The following KCTD10 variants were observed in gnomAD, a reference collection of about 807,000 sequenced individuals.
The protein encoded by KCTD10 is potassium channel tetramerization domain containing 10.
KCTD10 carries 13 observed loss-of-function variants against 34.6 expected under a neutral mutation model. The observed-to-expected ratio is 0.38, with a 90% CI of 0.24 to 0.60. The LOEUF (loss-of-function observed/expected upper bound fraction) is 0.60. Among genes scored for constraint, KCTD10 ranks in the 20% least tolerant of loss-of-function variants. The pLI is 0.66. For synonymous variants in KCTD10, 156 were observed against 168.8 expected, an observed-to-expected ratio of 0.92 and a Z score of 0.59; for missense variants, 256 against 420.3, an observed-to-expected ratio of 0.61 and a Z score of 3.42.
Position 109,449,609 on chromosome 12 carries a change from C to G in KCTD10, c.*1986G>C, listed in dbSNP as rs898686926. On this transcript the variant is annotated 3_prime_UTR_variant, in exon 7 of 7. Transcript: ENST00000228495. The stretch of plus-strand genomic sequence containing the variant: ...CATGGGCTGATGGGTACCTGCAATC[C>G]CAGCTACTCGGGAGGCTGAGGCAGC... 6.6e-6 allele frequency: 1 copy of G among 152,114 alleles called. No individual in the cohort carries two copies. The highest frequency in any genetic ancestry group is 6.6e-5 in the Admixed American group (1 of 15,262). The allele number at this position is 152,114 out of a possible 1,614,324, so 9.4% of individuals were successfully genotyped here. A position where few individuals can be genotyped will look rare whatever the true frequency, so the allele number is the denominator to read the frequency against.
Position 109,451,659 on chromosome 12 carries a change from C to T in KCTD10, c.878G>A (p.Arg293Gln), listed in dbSNP as rs774494060. Residue 293 changes from arginine (R) to glutamine (Q), a missense_variant, in exon 7 of 7, where the codon CGG becomes CAG. Physicochemically the swap from Arg to Gln is conservative, Grantham distance 43. Around this residue, in one of 3 missense-constraint regions of KCTD10, gnomAD observed 60 missense variants for 89.0 expected, o/e 0.67. Transcript: ENST00000228495. This position sits in a 1 kb window ranked among gnomAD's most constrained non-coding sequence, Gnocchi z 5.0. The part of the protein sequence containing the change: ...HHLDEDEERE[R>Q]IERVRRIHIK... The stretch of plus-strand genomic sequence containing the variant: ...GTGGATCCTCCGCACGCGCTCGATC[C>T]GCTCCCGCTCCTCGTCCTCGTCCAG... 11 of 1,613,208 alleles carry T rather than the reference C, an allele frequency of 6.8e-6. No individual in the cohort carries two copies. In the Admixed American group the frequency reaches 8.3e-5, roughly 12 times the overall value.
At chr12:109,466,200 G>A (rs947360414) in intron 2 of KCTD10, among the ~76,000 whole-genome samples, 8 of 152,124 alleles carry the variant, frequency 5.3e-5, no homozygotes, top group African/African-American at 1.7e-4. Context: ...GAAGGCCAAG[G>A]CAGGCAGCCT....
rs1322248298 is a variant in KCTD10, at chr12:109,450,333, C to T, written c.*1262G>A. 5.3e-6 allele frequency: 2 copies of T among 374,954 alleles called. No individual in the cohort carries two copies. Among genetic ancestry groups the T allele is most frequent in the Non-Finnish European group, 9.2e-6 (2 of 217,326 alleles). The allele number at this position is 374,954 out of a possible 1,614,324, so 23.2% of individuals were successfully genotyped here. A position where few individuals can be genotyped will look rare whatever the true frequency, so the allele number is the denominator to read the frequency against. ...ACACCCGTCCTACATAGGCGCTGCG[C>T]CCAGCCGGGCTCCAGCAGGGGCCGC... is the stretch of plus-strand genomic sequence containing the variant. On this transcript the variant is annotated 3_prime_UTR_variant, in exon 7 of 7. Coordinates refer to ENST00000228495, the MANE Select transcript of KCTD10 (RefSeq NM_031954.5).
At position 109,458,008 on chromosome 12, in the gene KCTD10, A is replaced by G. The variant is rs751372905; in HGVS notation, c.458T>C (p.Ile153Thr). Residue 153 changes from isoleucine to threonine, a missense_variant, in exon 4 of 7, where the codon ATA becomes ACA. By Grantham distance (89) the Ile-to-Thr change is moderately conservative (BLOSUM62 -1). Coordinates refer to ENST00000228495, the MANE Select transcript of KCTD10 (RefSeq NM_031954.5). ...CCAACATACCTTATTTGAAGTCGCT[A>G]TAAGTTTTTGTTCTTCCTTGGATGA... The part of the protein sequence containing the change: ...ITSSKEEQKL[I>T]ATSNKPAVKL... 78 of 1,613,742 alleles carry G rather than the reference A, an allele frequency of 4.8e-5. No individual in the cohort carries two copies. The highest frequency in any genetic ancestry group is 1.4e-5 in the Non-Finnish European group (16 of 1,179,712).
intron 4 of KCTD10, 155 bp from the exon 5 acceptor site, chr12:109,457,837 C>T: frequency 1.0e-6 from 1 of 989,648 alleles, no homozygotes; most frequent in Non-Finnish European, 1.6e-6. Context: ...GACCCAATAG[C>T]AGGGGCACAA....
chr12:109,476,783 C>T (rs1382929661), intron 1 of KCTD10, among the ~76,000 whole-genome samples: 2 of 152,160 alleles, frequency 1.3e-5, no homozygotes, highest in Non-Finnish European at 2.9e-5. Context: ...CCAGCCACAA[C>T]CTCCAAAACG....
intron 1 of KCTD10, among the ~76,000 whole-genome samples, chr12:109,472,757 T>G (rs554467410): frequency 2.6e-4 from 40 of 152,252 alleles, no homozygotes; most frequent in Non-Finnish European, 4.4e-4. Flanking sequence ...CAGGAATTTT[T>G]CAGTTCCATT....
rs757006162 is a variant in KCTD10 at position 109,477,240 on chromosome 12, A to T, written c.3+20T>A. On this transcript the variant is annotated intron_variant, in intron 1 of 6. Coordinates refer to ENST00000228495, the MANE Select transcript of KCTD10 (RefSeq NM_031954.5). ...CTCGGCCGCCCTCAACCCCTAGTCC[A>T]TGGGCACCGCCCTCCCTACCATGAA... is the stretch of plus-strand genomic sequence containing the variant. 6.2e-7 allele frequency: 1 copy of T among 1,613,190 alleles called. No individual in the cohort carries two copies. The highest frequency in any genetic ancestry group is 8.5e-7 in the Non-Finnish European group (1 of 1,179,728).
At position 109,450,734 on chromosome 12, in the gene KCTD10, G is replaced by C. The variant is rs1592831289; in HGVS notation, c.*861C>G. On this transcript the variant is annotated 3_prime_UTR_variant, in exon 7 of 7. Transcript: ENST00000228495. ...TAGTTTATGAGCTATGCCTGTCACA[G>C]GGTCAGATGGCCTTCCTGGAGTGGA... 5.5e-6 allele frequency: 1 copy of C among 183,416 alleles called. No homozygotes were observed. Among genetic ancestry groups the C allele is most frequent in the East Asian group, 1.3e-4 (1 of 7,568 alleles). 11.4% of individuals were successfully genotyped at this position (183,416 alleles called of 1,614,324 possible).
chr12:109,454,028 G>A (rs1371234844), intron 6 of KCTD10, among the ~76,000 whole-genome samples: 1 of 152,206 alleles, frequency 6.6e-6, no homozygotes, highest in African/African-American at 2.4e-5. Flanking sequence ...GCCCAACTGG[G>A]TCAATTGCCT....
chr12:109,475,772 A>G (rs2135689788), intron 1 of KCTD10, among the ~76,000 whole-genome samples: 1 of 152,342 alleles, frequency 6.6e-6, no homozygotes, highest in Middle Eastern at 3.4e-3. Context: ...TCCCAAACTG[A>G]GGGCATTTCT....
intron 1 of KCTD10, among the ~76,000 whole-genome samples, chr12:109,476,621 T>G (rs1874305414): frequency 6.6e-6 from 1 of 152,012 alleles, no homozygotes; most frequent in African/African-American, 2.4e-5. Flanking sequence ...GGCGCAGGTA[T>G]CCTAACCTCA....
At chr12:109,463,216 C>T (rs1225576860) in intron 2 of KCTD10, among the ~76,000 whole-genome samples, 1 of 152,194 alleles carries the variant, frequency 6.6e-6, no homozygotes, top group Admixed American at 6.5e-5. Context: ...TGGGAAGACC[C>T]AGGGCCCTGA....
intron 1 of KCTD10, among the ~76,000 whole-genome samples, chr12:109,472,445 G>T (rs147052646): frequency 6.6e-6 from 1 of 151,774 alleles, no homozygotes; most frequent in African/African-American, 2.4e-5. Context: ...GTCATCTCCC[G>T]TAAGAATCCC....
In KCTD10 at chr12:109,473,856, A is replaced by G. The variant is rs554178123; in HGVS notation, c.3+3404T>C. Among the ~76,000 whole-genome samples the G allele has an allele frequency of 8.0e-5, 12 of 149,886 alleles. No individual in the cohort carries two copies. In the East Asian group the frequency reaches 2.0e-3, roughly 24 times the overall value. ...CAGTACAACGGCACGATCTCAGCTC[A>G]CCGCAACGTCTGCCTCCCAGGTTCA... On this transcript the variant is annotated intron_variant, in intron 1 of 6. Coordinates refer to ENST00000228495, the MANE Select transcript of KCTD10 (RefSeq NM_031954.5).
chr12:109,451,832 C>G lies in KCTD10; in HGVS notation c.724-19G>C, dbSNP rs1475342259. Reference sequence around the variant, plus strand: ...ACTCCACCTGTGTTCCCACAGTATACAGGGCAGGTAAGTTATGGCCCACCC... The same window carrying G: ...ACTCCACCTGTGTTCCCACAGTATAGAGGGCAGGTAAGTTATGGCCCACCC... On this transcript the variant is annotated intron_variant, in intron 6 of 6. Transcript: ENST00000228495. The surrounding 1 kb of genome is among the most constrained non-coding windows in gnomAD (Gnocchi z 5.0). 3.7e-6 allele frequency: 6 copies of G among 1,600,518 alleles called. No individual in the cohort carries two copies. Among genetic ancestry groups the G allele is most frequent in the East Asian group, 2.2e-5 (1 of 44,528 alleles).
intron 1 of KCTD10, among the ~76,000 whole-genome samples, chr12:109,474,166 C>T (rs530832258): frequency 1.5e-3 from 236 of 152,262 alleles, no homozygotes; most frequent in African/African-American, 5.6e-3. Flanking sequence ...CCATCTGCCT[C>T]GGCCTCCCAA....
chr12:109,449,756 T>C lies in KCTD10; in HGVS notation c.*1839A>G, dbSNP rs1458084801. 1 of 151,914 alleles carries C rather than the reference T, an allele frequency of 6.6e-6. No individual in the cohort carries two copies. The highest frequency in any genetic ancestry group is 1.5e-5 in the Non-Finnish European group (1 of 68,040). 9.4% of individuals were successfully genotyped at this position (151,914 alleles called of 1,614,324 possible). On this transcript the variant is annotated 3_prime_UTR_variant, in exon 7 of 7. Transcript: ENST00000228495. ...AAAATTTATACAATGGCTTTTCCATTTTCCTGGCCAACATTCACTTCGACT... is the reference window on the plus strand; with the variant it reads ...AAAATTTATACAATGGCTTTTCCATCTTCCTGGCCAACATTCACTTCGACT...
chr12:109,474,502 C>T (rs1874051764), intron 1 of KCTD10, among the ~76,000 whole-genome samples: 1 of 152,120 alleles, frequency 6.6e-6, no homozygotes, highest in South Asian at 2.1e-4. Flanking sequence ...TAGGTCCTAC[C>T]ATGAAAATTC....
Sources: gnomAD v4.1 joint callset for allele counts (sites outside exome capture counted in the v4.1 genomes callset) on GRCh38, gnomAD v4.1.1 for gene constraint, gnomAD v4.1.1 regional missense constraint, Gnocchi (gnomAD v3.1) non-coding constraint, MANE v1.5 for transcripts, NCBI Gene and HGNC (gene_info 2026-07-23, HGNC 2026-07-21) for gene names.